EPHX4: variants seen among roughly 807,000 people sequenced by gnomAD.
EPHX4 encodes abhydrolase domain containing 7.
Under a neutral mutation model 44.9 loss-of-function variants are expected in EPHX4, and 31 were observed. The observed-to-expected ratio is 0.69, with a 90% CI of 0.52 to 0.93. The LOEUF is 0.93. Among genes scored for constraint, EPHX4 ranks in the 40% least tolerant of loss-of-function variants. The pLI, the probability that EPHX4 is intolerant of heterozygous loss-of-function variation, is 0.00. For synonymous variants in EPHX4, 151 were observed against 159.7 expected (o/e 0.95, Z 0.41); for missense variants, 373 against 438.1 (o/e 0.85, Z 1.33).
intron 3 of EPHX4, among the ~76,000 whole-genome samples, chr1:92,044,949 C>G (rs191476392): frequency 1.3e-5 from 2 of 151,752 alleles, no homozygotes; most frequent in Admixed American, 6.6e-5. Flanking sequence ...TTCTTTTGTA[C>G]CCCCCCACAC....
At chr1:92,038,677 G>A (rs1428151141) in intron 2 of EPHX4, among the ~76,000 whole-genome samples, 2 of 152,150 alleles carry the variant, frequency 1.3e-5, no homozygotes, top group Non-Finnish European at 2.9e-5. Context: ...AAAAGGAGAC[G>A]CCTAATGTGA....
chr1:92,053,944 T>C (rs1647306630), intron 6 of EPHX4, among the ~76,000 whole-genome samples: 2 of 152,164 alleles, frequency 1.3e-5, no homozygotes, highest in African/African-American at 4.8e-5. Flanking sequence ...GTCACTGACG[T>C]AGAGACAAGC....
At chr1:92,048,510 T>A (rs72954778) in intron 4 of EPHX4, among the ~76,000 whole-genome samples, 15,270 of 152,200 alleles carry the variant, frequency 0.1, 1,431 homozygotes, top group African/African-American at 0.25. Flanking sequence ...AATTGTATTG[T>A]TATCTCTTAA....
rs556763933 is a variant in EPHX4 at position 92,046,698 on chromosome 1, G to T, written c.604+1038G>T. The stretch of plus-strand genomic sequence containing the variant: ...AGGCTGGTCTCAAATGCCTGACCTT[G>T]TGATCCGCCCGCCTCAGCCTCCTAA... On this transcript the variant is annotated intron_variant, in intron 4 of 6. Transcript: ENST00000370383. 7.2e-5 allele frequency among the ~76,000 whole-genome samples: 11 copies of T among 152,294 alleles called. 1 individual carries two copies. In the South Asian group the frequency reaches 2.1e-3, roughly 29 times the overall value.
intron 6 of EPHX4, among the ~76,000 whole-genome samples, chr1:92,058,503 T>C (rs779444597): frequency 1.2e-4 from 18 of 151,326 alleles, no homozygotes; most frequent in Non-Finnish European, 1.9e-4. Flanking sequence ...GGGGAAAATA[T>C]GAACAGCTAA....
intron 6 of EPHX4, 135 bp from the exon 7 acceptor site, chr1:92,062,920 C>A: frequency 1.4e-6 from 1 of 705,222 alleles, no homozygotes; most frequent in South Asian, 2.0e-5. Context: ...TTTTCACCCT[C>A]CCAAGAACAC....
intron 6 of EPHX4, among the ~76,000 whole-genome samples, chr1:92,058,873 A>C (rs1647430454): frequency 6.6e-6 from 1 of 152,190 alleles, no homozygotes; most frequent in Admixed American, 6.5e-5. Flanking sequence ...TTGTATTTCC[A>C]TGGGAAACTT....
chr1:92,052,196 GA>G (rs1455373821), intron 5 of EPHX4, among the ~76,000 whole-genome samples: 1 of 152,112 alleles, frequency 6.6e-6, no homozygotes, highest in Admixed American at 6.5e-5. Context: ...CCCAGAAGGG[GA>G]ATTAGTCATT....
intron 6 of EPHX4, among the ~76,000 whole-genome samples, chr1:92,061,037 C>T (rs1647483994): frequency 6.6e-6 from 1 of 151,998 alleles, no homozygotes; most frequent in Non-Finnish European, 1.5e-5. Flanking sequence ...TAAGCCATCA[C>T]ACCCGGCTAA....
rs113437344 is a variant in EPHX4, at chr1:92,040,750, C to T, written c.318-2073C>T. Among the ~76,000 whole-genome samples the T allele has an allele frequency of 1.1e-3, 174 of 152,108 alleles. 6 individuals carry two copies. The highest frequency in any genetic ancestry group is 3.2e-3 in the Middle Eastern group (1 of 316). On this transcript the variant is annotated intron_variant, in intron 2 of 6. Coordinates refer to ENST00000370383, the MANE Select transcript of EPHX4 (RefSeq NM_173567.5). ...TGCTGAGATTACTGATGTGAGCCACCGCACCTGGCCTGTTTGTTACATTGA... is the reference window on the plus strand; with the variant it reads ...TGCTGAGATTACTGATGTGAGCCACTGCACCTGGCCTGTTTGTTACATTGA...
At chr1:92,062,471 G>A (rs142030857) in intron 6 of EPHX4, among the ~76,000 whole-genome samples, 6,684 of 151,164 alleles carry the variant, frequency 0.044, 236 homozygotes, top group African/African-American at 0.096. Context: ...TGTAGTCCCA[G>A]CTACTCAGGA....
At chr1:92,056,305 G>A (rs1647370393) in intron 6 of EPHX4, among the ~76,000 whole-genome samples, 1 of 152,032 alleles carries the variant, frequency 6.6e-6, no homozygotes, top group Non-Finnish European at 1.5e-5. Context: ...AGCCTCCTTG[G>A]GACTATGTCC....
In EPHX4 at chr1:92,030,066, G is replaced by A. The variant is rs1688330153; in HGVS notation, c.-14G>A. 6.4e-6 allele frequency: 10 copies of A among 1,560,594 alleles called. No individual in the cohort carries two copies. The highest frequency in any genetic ancestry group is 6.9e-6 in the Non-Finnish European group (8 of 1,155,724). On this transcript the variant is annotated 5_prime_UTR_variant, in exon 1 of 7. Transcript: ENST00000370383. ...CTCCCGAGGAAGGGCAGTGGGCCCCGCCGCCGCCTCCCAATGGCGAGGCTG... is the reference window on the plus strand; with the variant it reads ...CTCCCGAGGAAGGGCAGTGGGCCCCACCGCCGCCTCCCAATGGCGAGGCTG...
intron 2 of EPHX4, among the ~76,000 whole-genome samples, chr1:92,039,264 A>G (rs1432130948): frequency 6.6e-6 from 1 of 152,246 alleles, no homozygotes; most frequent in African/African-American, 2.4e-5. Context: ...TCTTTGCTAC[A>G]TCACTGGTTT....
chr1:92,060,246 A>G (rs1288395845), intron 6 of EPHX4, among the ~76,000 whole-genome samples: 2 of 151,838 alleles, frequency 1.3e-5, no homozygotes, highest in Non-Finnish European at 2.9e-5. Context: ...GTGTCTAGAA[A>G]AAAAAATTTT....
At chr1:92,048,501 A>G (rs962302620) in intron 4 of EPHX4, among the ~76,000 whole-genome samples, 3 of 152,102 alleles carry the variant, frequency 2.0e-5, no homozygotes, top group African/African-American at 7.2e-5. Flanking sequence ...TTTTCCCCTA[A>G]TTGTATTGTT....
Position 92,042,945 on chromosome 1 carries a change from T to C in EPHX4, c.440T>C (p.Leu147Pro), listed in dbSNP as rs1421753833. Residue 147 changes from leucine to proline, a missense_variant, in exon 3 of 7, where the codon CTA becomes CCA. Transcript: ENST00000370383. ...CGACAGAATTATAAATTGGATTGTC[T>C]AATTACAGATATAAAGGATATTTTA... is the stretch of plus-strand genomic sequence containing the variant. ...IHRQNYKLDCLITDIKDILDS... is the reference protein window; with the variant it reads ...IHRQNYKLDCPITDIKDILDS... The C allele has an allele frequency of 4.3e-6, 7 of 1,611,228 alleles. No individual in the cohort carries two copies. The highest frequency in any genetic ancestry group is 1.3e-5 in the African/African-American group (1 of 74,872).
Position 92,052,490 on chromosome 1 carries a change from T to C in EPHX4, c.709-20T>C. ...TAGATAACAAAAAAGTTTTAATTAT[T>C]GTTTTCTCACTTAAATTAGGTTTTG... On this transcript the variant is annotated intron_variant, in intron 5 of 6. Transcript: ENST00000370383. 1 of 1,573,546 alleles carries C rather than the reference T, an allele frequency of 6.4e-7. No individual in the cohort carries two copies. The highest frequency in any genetic ancestry group is 8.6e-7 in the Non-Finnish European group (1 of 1,161,524).
intron 5 of EPHX4, among the ~76,000 whole-genome samples, chr1:92,052,309 G>GAAGAATATAGA (rs1557885491): frequency 4.1e-4 from 63 of 152,154 alleles, no homozygotes; most frequent in African/African-American, 1.5e-3. Flanking sequence ...GATTAGAAGG[G>GAAGAATATAGA]AAGAATATAG....
Sources: allele counts gnomAD v4.1 joint callset (sites outside exome capture counted in the v4.1 genomes callset), GRCh38; gene constraint gnomAD v4.1.1; transcripts MANE v1.5; gene names NCBI Gene and HGNC (gene_info 2026-07-23, HGNC 2026-07-21).